CABIN1: variants seen among roughly 807,000 people sequenced by gnomAD.
CABIN1 encodes the protein calcineurin binding protein 1, also known as calcineurin-binding protein cabin-1.
Under a neutral mutation model 227.7 loss-of-function variants are expected in CABIN1, and 133 were observed. The observed-to-expected ratio is 0.58, with a 90% CI of 0.51 to 0.67. The LOEUF is 0.67. Ranked by LOEUF, CABIN1 falls within the 30% of genes least tolerant of loss-of-function variation. CABIN1 has a pLI of 0.00. For missense variants in CABIN1, 2,408 were observed against 2,852.5 expected (o/e 0.84, Z 3.55); for synonymous variants, 1,086 against 1,155.1 (o/e 0.94, Z 1.21).
At position 24,165,559 on chromosome 22, in the gene CABIN1, T is replaced by A; in HGVS notation, c.4940T>A (p.Val1647Asp). The change falls in exon 31 of 37, where the codon GTC (valine) becomes GAC (aspartate). Residue 1647 changes from valine to aspartate, a missense_variant. This residue lies in a region of CABIN1 where 714 missense variants were observed against 773.8 expected (regional missense o/e 0.92). Transcript: ENST00000263119. ...KKYLRDADRQ[V>D]LAQRAFILTV... ...TATCTGCGAGATGCTGACCGCCAGG[T>A]CCTGGCGCAGCGGGCCTTCATCCTC... 6.2e-7 allele frequency: 1 copy of A among 1,613,150 alleles called. No homozygotes were observed. The highest frequency in any genetic ancestry group is 8.5e-7 in the Non-Finnish European group (1 of 1,179,976).
chr22:24,099,284 A>G (rs1033296301), intron 26 of CABIN1, among the ~76,000 whole-genome samples: 5 of 152,178 alleles, frequency 3.3e-5, no homozygotes, highest in African/African-American at 9.7e-5. Context: ...CTGGAGAAGG[A>G]TGACAAGGGG....
At chr22:24,072,313 C>T (rs1219027762) in intron 17 of CABIN1, 41 bp from the exon 18 acceptor site, 3 of 1,613,028 alleles carry the variant, frequency 1.9e-6, no homozygotes, top group Non-Finnish European at 2.5e-6. Flanking sequence ...AAGGCTTACC[C>T]TGCTGTGACA....
At chr22:24,045,272 T>C (rs908140502) in intron 6 of CABIN1, among the ~76,000 whole-genome samples, 12 of 152,110 alleles carry the variant, frequency 7.9e-5, no homozygotes, top group Non-Finnish European at 4.4e-5. Flanking sequence ...CTTTTTCCAG[T>C]GTACACCTCG....
chr22:24,036,110 G>C lies in CABIN1; in HGVS notation c.25G>C (p.Ala9Pro). ...CTAGATTCGAATTGCAGCCTTAAAT[G>C]CCAGCTCCACCATTGAGGATGATCA... The part of the protein sequence containing the change: MIRIAALN[A>P]SSTIEDDHEG... The change falls in exon 3 of 37, where the codon GCC becomes CCC. Residue 9 changes from alanine to proline, a missense_variant. Physicochemically the swap from Ala to Pro is conservative, Grantham distance 27 (BLOSUM62 -1). Transcript: ENST00000263119. 6.2e-7 allele frequency: 1 copy of C among 1,613,690 alleles called. No individual in the cohort carries two copies. The highest frequency in any genetic ancestry group is 8.5e-7 in the Non-Finnish European group (1 of 1,179,744).
Position 24,177,508 on chromosome 22 carries a change from G to T in CABIN1, c.6210G>T (p.Gly2070=). The T allele has an allele frequency of 3.3e-6, 5 of 1,528,156 alleles. No homozygotes were observed. In the Admixed American group the frequency reaches 1.1e-4, roughly 32 times the overall value. The allele number at this position is 1,528,156 out of a possible 1,614,324, so 94.7% of individuals were successfully genotyped here. A position where few individuals can be genotyped will look rare whatever the true frequency, so the allele number is the denominator to read the frequency against. Residue 2070 remains glycine (G), a synonymous_variant, in exon 36 of 37, where the codon GGG becomes GGT. Transcript: ENST00000263119. This position sits in a 1 kb window ranked among gnomAD's most constrained non-coding sequence, Gnocchi z 4.4. ...CTTGGTACCTTTGTCTTCCAGAGGG[G>T]AAACTGAGGCCTGAGCCGAGAAGGG... ...TGAEPTCSQE[G]KLRPEPRRDG... is the part of the protein sequence containing the mutation.
chr22:24,172,058 G>A (rs1357151188), intron 34 of CABIN1, 63 bp downstream of exon 34: 1 of 1,554,336 alleles, frequency 6.4e-7, no homozygotes, highest in African/African-American at 1.4e-5. Context: ...CCTCCCTGCG[G>A]GGAGAGTGTG....
intron 10 of CABIN1, among the ~76,000 whole-genome samples, chr22:24,057,909 C>T (rs905024308): frequency 3.9e-5 from 6 of 152,220 alleles, no homozygotes; most frequent in South Asian, 2.1e-4. Context: ...CCTATATTCC[C>T]CTTAGCCCTG....
At position 24,090,472 on chromosome 22, in the gene CABIN1, C is replaced by T. The variant is rs2041468480; in HGVS notation, c.3526-1111C>T. On this transcript the variant is annotated intron_variant, in intron 23 of 36. Coordinates refer to ENST00000263119, the MANE Select transcript of CABIN1 (RefSeq NM_012295.4). ...GTTTGACCCTGCACTGTGATGCTTT[C>T]CACTGTATTTCACCCATTGATGATC... is the stretch of plus-strand genomic sequence containing the variant. Among the ~76,000 whole-genome samples, 4 of 151,790 alleles carry T rather than the reference C, an allele frequency of 2.6e-5. No homozygotes were observed. The South Asian group carries it at 8.3e-4, about 32-fold the overall frequency.
At position 24,050,418 on chromosome 22, in the gene CABIN1, C is replaced by T. The variant is rs143784101; in HGVS notation, c.657-407C>T. ...CCCTGCCCTTTCTGTATTTTTGGGT[C>T]GTGATACACTTTGGTGAGCTTCACT... On this transcript the variant is annotated intron_variant, in intron 7 of 36. Coordinates refer to ENST00000263119, the MANE Select transcript of CABIN1 (RefSeq NM_012295.4). Among the ~76,000 whole-genome samples, 1,185 of 152,234 alleles carry T rather than the reference C, an allele frequency of 7.8e-3. 5 individuals carry two copies. Among genetic ancestry groups the T allele is most frequent in the South Asian group, 0.028 (135 of 4,826 alleles).
intron 26 of CABIN1, 171 bp downstream of exon 26, chr22:24,098,363 G>A (rs980014961): frequency 2.1e-6 from 3 of 1,397,256 alleles, no homozygotes; most frequent in South Asian, 1.3e-5. Flanking sequence ...AGTGATTCTT[G>A]TGCTTCCGAG....
chr22:24,061,936 C>G lies in CABIN1; in HGVS notation c.1618-11C>G. On this transcript the variant is annotated splice_polypyrimidine_tract_variant and intron_variant, in intron 12 of 36. Transcript: ENST00000263119. The stretch of plus-strand genomic sequence containing the variant: ...GATACTGTTCTTGACCTTCCTGTGT[C>G]TGTCCTGCAGGACATGATGCTGATG... 1.2e-6 allele frequency: 2 copies of G among 1,609,314 alleles called. No individual in the cohort carries two copies. Among genetic ancestry groups the G allele is most frequent in the Non-Finnish European group, 1.7e-6 (2 of 1,175,700 alleles).
At chr22:24,109,168 T>A (rs1366413432) in intron 26 of CABIN1, among the ~76,000 whole-genome samples, 1 of 151,954 alleles carries the variant, frequency 6.6e-6, no homozygotes, top group African/African-American at 2.4e-5. Flanking sequence ...TCTATCAGCC[T>A]GGATCTTCCA....
At chr22:24,014,449 T>A (rs1264053512) in intron 1 of CABIN1, among the ~76,000 whole-genome samples, 1 of 151,832 alleles carries the variant, frequency 6.6e-6, no homozygotes, top group Non-Finnish European at 1.5e-5. Context: ...AAGCACTTAC[T>A]TTATGGCACA....
chr22:24,079,298 T>C (rs1004806283), intron 19 of CABIN1, among the ~76,000 whole-genome samples: 1 of 152,182 alleles, frequency 6.6e-6, no homozygotes, highest in Non-Finnish European at 1.5e-5. Flanking sequence ...TAAAACAATT[T>C]TCCTAATATG....
At chr22:24,168,980 C>G (rs779803176) in intron 33 of CABIN1, among the ~76,000 whole-genome samples, 1 of 152,030 alleles carries the variant, frequency 6.6e-6, no homozygotes, top group Admixed American at 6.6e-5. Context: ...AGGCAGGAGT[C>G]CTGGAGTTTA....
intron 7 of CABIN1, among the ~76,000 whole-genome samples, chr22:24,050,583 C>G (rs2038247491): frequency 6.6e-6 from 1 of 152,154 alleles, no homozygotes; most frequent in Non-Finnish European, 1.5e-5. Flanking sequence ...CATATGAAAA[C>G]TCTTTCTCTG....
intron 1 of CABIN1, among the ~76,000 whole-genome samples, chr22:24,030,707 G>A (rs1244625911): frequency 1.3e-5 from 2 of 152,274 alleles, no homozygotes; most frequent in South Asian, 2.1e-4. Flanking sequence ...GGGAATCCAG[G>A]TGCCTTCTTT....
intron 19 of CABIN1, among the ~76,000 whole-genome samples, chr22:24,082,996 A>G (rs1011003221): frequency 3.9e-5 from 6 of 152,226 alleles, no homozygotes; most frequent in Non-Finnish European, 8.8e-5. Flanking sequence ...TGGTAAACCC[A>G]TCAGGAGGCT....
chr22:24,156,106 ACTGGGGCCGGGACTGGGGCCGGGG>A (rs1030381286), intron 29 of CABIN1: 8 of 408,846 alleles, frequency 2.0e-5, no homozygotes, highest in Middle Eastern at 6.1e-4. Context: ...GGGGGCCGGG[ACTGGGGCCGGGACTGGGGCCGGGG>A]CTGGGGCTGC....
Sources: gnomAD v4.1 joint callset for allele counts (sites outside exome capture counted in the v4.1 genomes callset) on GRCh38, gnomAD v4.1.1 for gene constraint, gnomAD v4.1.1 regional missense constraint, Gnocchi (gnomAD v3.1) non-coding constraint, MANE v1.5 for transcripts, NCBI Gene and HGNC (gene_info 2026-07-23, HGNC 2026-07-21) for gene names.